Variants in ANO6 observed in about 807,000 individuals in gnomAD.
The protein encoded by ANO6 is anoctamin 6.
In ANO6, 106 loss-of-function variants were observed where a neutral mutation model predicts 117.5. The ratio of observed to expected loss-of-function variants is 0.90; its 90% CI spans 0.77 to 1.06. The LOEUF (loss-of-function observed/expected upper bound fraction) is 1.06. Among genes scored for constraint, ANO6 ranks in the 50% least tolerant of loss-of-function variants. The pLI is 0.00. For synonymous variants in ANO6, 367 were observed against 385.1 expected (o/e 0.95, Z 0.55); for missense variants, 955 against 1,121.1 (o/e 0.85, Z 2.12).
In ANO6 at chr12:45,431,641, G is replaced by A. The variant is rs910324307; in HGVS notation, c.*2330G>A. The A allele has an allele frequency of 5.1e-6, 5 of 985,288 alleles. No homozygotes were observed. The highest frequency in any genetic ancestry group is 4.8e-6 in the Non-Finnish European group (4 of 829,942). The allele number at this position is 985,288 out of a possible 1,614,324, so 61.0% of individuals were successfully genotyped here. ...TGGAGATGCAGGGTCATTTCCCCAT[G>A]CCATCCACAGTGTTTGTTAGTGAGT... is the stretch of plus-strand genomic sequence containing the variant. On this transcript the variant is annotated 3_prime_UTR_variant, in exon 20 of 20. Coordinates refer to ENST00000320560, the MANE Select transcript of ANO6 (RefSeq NM_001025356.3).
intron 15 of ANO6, among the ~76,000 whole-genome samples, chr12:45,407,257 C>G (rs61925707): frequency 6.6e-6 from 1 of 152,212 alleles, no homozygotes; most frequent in East Asian, 1.9e-4. Context: ...CAAGTAGTTG[C>G]CAGGACAGAA....
In ANO6 at chr12:45,416,706, G is replaced by A. The variant is rs1425909173; in HGVS notation, c.2019G>A (p.Gln673=). Residue 673 remains glutamine, a synonymous_variant, in exon 17 of 20, where the codon CAG becomes CAA. Transcript: ENST00000320560. The stretch of plus-strand genomic sequence containing the variant: ...TGTCCATTCCATTGACAGTTATTCA[G>A]TTTGGGTTCGTCACCTTATTTGTGG... ...LFYEYLEMII[Q]FGFVTLFVAS... 1 of 1,613,844 alleles carries A rather than the reference G, an allele frequency of 6.2e-7. No individual in the cohort carries two copies. The highest frequency in any genetic ancestry group is 8.5e-7 in the Non-Finnish European group (1 of 1,179,946).
At chr12:45,325,107 G>A (rs1043343745) in intron 2 of ANO6, among the ~76,000 whole-genome samples, 4 of 152,162 alleles carry the variant, frequency 2.6e-5, no homozygotes, top group African/African-American at 9.7e-5. Context: ...AGCTACATTT[G>A]TTGTTCCATA....
chr12:45,370,541 T>G (rs559684192), intron 9 of ANO6, among the ~76,000 whole-genome samples: 1 of 152,336 alleles, frequency 6.6e-6, no homozygotes, highest in East Asian at 1.9e-4. Context: ...AGTAGAGTGT[T>G]GTCAAATACT....
intron 1 of ANO6, among the ~76,000 whole-genome samples, chr12:45,288,950 A>G (rs1189066134): frequency 1.3e-5 from 2 of 151,394 alleles, no homozygotes; most frequent in African/African-American, 2.4e-5. Flanking sequence ...ACAGGGTTTC[A>G]CCGTGTTAGC....
chr12:45,310,767 C>A (rs1036032672), intron 2 of ANO6, among the ~76,000 whole-genome samples: 1 of 151,966 alleles, frequency 6.6e-6, no homozygotes, highest in African/African-American at 2.4e-5. Flanking sequence ...CAAGGTGATA[C>A]AGGGACTGGG....
intron 1 of ANO6, among the ~76,000 whole-genome samples, chr12:45,233,706 G>T (rs990692955): frequency 6.6e-6 from 1 of 152,128 alleles, no homozygotes; most frequent in African/African-American, 2.4e-5. Flanking sequence ...AGTTATGACA[G>T]TTGTATAGCC....
chr12:45,385,598 C>T (rs1175471541), intron 10 of ANO6, among the ~76,000 whole-genome samples: 1 of 152,126 alleles, frequency 6.6e-6, no homozygotes, highest in Non-Finnish European at 1.5e-5. Flanking sequence ...CTGAGACCAG[C>T]ATGGCTCAGC....
At chr12:45,344,509 G>A (rs902949845) in intron 3 of ANO6, among the ~76,000 whole-genome samples, 2 of 152,112 alleles carry the variant, frequency 1.3e-5, no homozygotes, top group Non-Finnish European at 2.9e-5. Flanking sequence ...GAGCAAAGGG[G>A]AGATGCTACA....
chr12:45,418,318 G>A (rs895503468), intron 17 of ANO6, among the ~76,000 whole-genome samples: 1 of 152,088 alleles, frequency 6.6e-6, no homozygotes, highest in African/African-American at 2.4e-5. Flanking sequence ...GTTGCAAATC[G>A]CACACAAAAA....
At chr12:45,391,777 T>C (rs1039062709) in intron 12 of ANO6, among the ~76,000 whole-genome samples, 2 of 152,070 alleles carry the variant, frequency 1.3e-5, no homozygotes, top group African/African-American at 4.8e-5. Context: ...GCGAATTGCT[T>C]GAGTCTAGGA....
intron 1 of ANO6, among the ~76,000 whole-genome samples, chr12:45,231,453 C>T (rs1037666581): frequency 1.3e-5 from 2 of 152,146 alleles, no homozygotes; most frequent in African/African-American, 2.4e-5. Flanking sequence ...AAAGTTTAGA[C>T]ATTCCATATC....
chr12:45,229,679 C>T (rs899564042), intron 1 of ANO6, among the ~76,000 whole-genome samples: 25 of 150,292 alleles, frequency 1.7e-4, no homozygotes, highest in African/African-American at 5.6e-4. Context: ...TGAGCCACTG[C>T]GCCCAGCCTT....
At chr12:45,403,389 A>C in intron 14 of ANO6, 50 bp from the exon 15 acceptor site, 1 of 1,547,728 alleles carries the variant, frequency 6.5e-7, no homozygotes, top group Non-Finnish European at 8.9e-7. Flanking sequence ...CCTATATTTC[A>C]AGTTAGATCC....
At chr12:45,432,478 C>A, downstream of ANO6, 1 of 254,202 alleles carries the variant, frequency 3.9e-6, no homozygotes, top group Non-Finnish European at 6.2e-6. Flanking sequence ...ACAGCCTTCA[C>A]TTCAGAGATT....
Position 45,302,061 on chromosome 12 carries a change from G to T in ANO6, c.118G>T (p.Glu40Ter). The change falls in exon 2 of 20, where the codon GAA becomes TAA. Residue 40 changes from glutamate to a stop codon, truncating the protein, a stop_gained. Coordinates refer to ENST00000320560, the MANE Select transcript of ANO6 (RefSeq NM_001025356.3). LOFTEE classifies it high-confidence loss of function. ...QTIVPDLGSL[E>*]SQHDFRTPEF... ...AATTGTCCCCGATTTGGGATCACTG[G>T]AAAGTCAGCATGATTTTCGAACCCC... 6.2e-7 allele frequency: 1 copy of T among 1,614,002 alleles called. No individual in the cohort carries two copies. Among genetic ancestry groups the T allele is most frequent in the Non-Finnish European group, 8.5e-7 (1 of 1,179,908 alleles).
At chr12:45,367,646 CTTTAAATTT>C in intron 8 of ANO6, 33 bp from the exon 9 acceptor site, 4 of 1,524,182 alleles carry the variant, frequency 2.6e-6, no homozygotes, top group Non-Finnish European at 3.6e-6. Flanking sequence ...TATCATGCTG[CTTTAAATTT>C]TTTAAAATTA....
At chr12:45,330,405 T>C (rs1373725520) in intron 2 of ANO6, among the ~76,000 whole-genome samples, 2 of 152,138 alleles carry the variant, frequency 1.3e-5, no homozygotes, top group African/African-American at 2.4e-5. Context: ...TGAAATCTTA[T>C]CAGTTTTTAA....
At chr12:45,248,922 C>T (rs1235764133) in intron 1 of ANO6, among the ~76,000 whole-genome samples, 2 of 152,084 alleles carry the variant, frequency 1.3e-5, no homozygotes, top group African/African-American at 2.4e-5. Context: ...GTAAGACTGC[C>T]ATTTATTGTA....
Sources: gnomAD v4.1 joint callset for allele counts (sites outside exome capture counted in the v4.1 genomes callset) on GRCh38, gnomAD v4.1.1 for gene constraint, MANE v1.5 for transcripts, NCBI Gene and HGNC (gene_info 2026-07-23, HGNC 2026-07-21) for gene names.